METTL15: variants seen among roughly 807,000 people sequenced by gnomAD.
METTL15 encodes methyltransferase 15, mitochondrial 12S rRNA N4-cytidine.
A neutral mutation model predicts 38.3 loss-of-function variants in METTL15; 34 were observed. The ratio of observed to expected loss-of-function variants is 0.89; its 90% CI spans 0.68 to 1.18. The LOEUF (loss-of-function observed/expected upper bound fraction) is 1.18, where lower values mean the gene tolerates loss of function less well. Among genes scored for constraint, METTL15 ranks in the 50% most tolerant of loss-of-function variants. The probability of loss-of-function intolerance (pLI) is 0.00; values close to 1 mark genes in which losing one functional copy is unlikely to be tolerated. For missense variants in METTL15, 438 were observed against 498.4 expected, an observed-to-expected ratio of 0.88 and a Z score of 1.15; for synonymous variants, 162 against 170.9, an observed-to-expected ratio of 0.95 and a Z score of 0.41.
intron 4 of METTL15, among the ~76,000 whole-genome samples, chr11:28,222,869 T>G (rs1853305554): frequency 6.6e-6 from 1 of 152,186 alleles, no homozygotes; most frequent in Non-Finnish European, 1.5e-5. Flanking sequence ...CTATATAGGA[T>G]AAGTTCTTAC....
chr11:28,335,152 T>G (rs910347259), downstream of METTL15, among the ~76,000 whole-genome samples: 4 of 152,306 alleles, frequency 2.6e-5, no homozygotes, highest in South Asian at 6.2e-4. Context: ...GCAATAACAC[T>G]TGTCTGCCTT....
At position 28,211,212 on chromosome 11, in the gene METTL15, T is replaced by G. The variant is rs1162772761; in HGVS notation, c.407+14T>G. 7 of 1,590,628 alleles carry G rather than the reference T, an allele frequency of 4.4e-6. No individual in the cohort carries two copies. Among genetic ancestry groups the G allele is most frequent in the Non-Finnish European group, 6.0e-6 (7 of 1,170,424 alleles). On this transcript the variant is annotated intron_variant, in intron 4 of 6. Coordinates refer to ENST00000407364, the MANE Select transcript of METTL15 (RefSeq NM_001113528.2). The stretch of plus-strand genomic sequence containing the variant: ...AGAGTTGTATCCGTAAGTAATACCC[T>G]TGCATATTTATTTGATTTTGGTTCT...
intron 6 of METTL15, among the ~76,000 whole-genome samples, chr11:28,525,381 C>G (rs1851801618): frequency 6.6e-6 from 1 of 152,098 alleles, no homozygotes; most frequent in Non-Finnish European, 1.5e-5. Flanking sequence ...TCCACGTCCC[C>G]ACTAGATTAG....
chr11:28,422,316 TC>T (rs1349617084), intron 5 of METTL15, among the ~76,000 whole-genome samples: 1 of 152,004 alleles, frequency 6.6e-6, no homozygotes, highest in African/African-American at 2.4e-5. Context: ...ATGACATTCT[TC>T]ACAGAAATAG....
At chr11:28,349,519 GAGAA>G (rs1850024353) in intron 3 of METTL15, among the ~76,000 whole-genome samples, 1 of 152,200 alleles carries the variant, frequency 6.6e-6, no homozygotes, top group Non-Finnish European at 1.5e-5. Context: ...GCTTTAAAAA[GAGAA>G]AGCAAGTATC....
At chr11:28,431,801 A>G (rs966988245) in intron 6 of METTL15, among the ~76,000 whole-genome samples, 8 of 23,232 alleles carry the variant, frequency 3.4e-4, no homozygotes, top group Admixed American at 7.4e-4. Context: ...AAAAAAAAAA[A>G]AAAAAAGAAA....
At chr11:28,388,423 G>A (rs997393644) in intron 5 of METTL15, among the ~76,000 whole-genome samples, 7 of 151,830 alleles carry the variant, frequency 4.6e-5, no homozygotes, top group African/African-American at 1.7e-4. Flanking sequence ...ACAGAACAAG[G>A]CAAAAAGGAA....
rs1345553867 is a variant in METTL15, at chr11:28,478,144, C to T, written c.*425-48334C>T. Among the ~76,000 whole-genome samples, 6 of 152,050 alleles carry T rather than the reference C, an allele frequency of 3.9e-5. No individual in the cohort carries two copies. In the East Asian group the frequency reaches 1.2e-3, roughly 29 times the overall value. The stretch of plus-strand genomic sequence containing the variant: ...ATGTCCATGATCTTAAAACTTTAGT[C>T]AGATAAAGAAAGGACCATCTGGAAG... On this transcript the variant is annotated intron_variant and NMD_transcript_variant, in intron 6 of 7. Transcript: ENST00000532947.
intron 4 of METTL15, among the ~76,000 whole-genome samples, chr11:28,228,566 A>C (rs1265858221): frequency 6.6e-6 from 1 of 151,860 alleles, no homozygotes; most frequent in African/African-American, 2.4e-5. Context: ...TATTGTTTCT[A>C]ATGAAAGAAT....
intron 6 of METTL15, among the ~76,000 whole-genome samples, chr11:28,430,954 G>T (rs1259224368): frequency 3.0e-5 from 3 of 98,628 alleles, no homozygotes; most frequent in African/African-American, 7.0e-5. Flanking sequence ...GGTGAGGGGC[G>T]CCTCTGCCCG....
At chr11:28,473,324 G>T (rs949404005) in intron 6 of METTL15, among the ~76,000 whole-genome samples, 2 of 152,112 alleles carry the variant, frequency 1.3e-5, no homozygotes, top group African/African-American at 2.4e-5. Flanking sequence ...TAATCACCTG[G>T]GAGAATACAG....
At chr11:28,220,982 C>G (rs949470517) in intron 4 of METTL15, among the ~76,000 whole-genome samples, 9 of 152,154 alleles carry the variant, frequency 5.9e-5, no homozygotes, top group Middle Eastern at 3.2e-3. Flanking sequence ...TTCTCTCTGG[C>G]TGCCCTTAAC....
chr11:28,317,856 A>G (rs1857534590), intron 6 of METTL15, among the ~76,000 whole-genome samples: 1 of 152,214 alleles, frequency 6.6e-6, no homozygotes, highest in Non-Finnish European at 1.5e-5. Flanking sequence ...TTCTGATATC[A>G]TACATGAAAC....
In METTL15 at chr11:28,113,432, T is replaced by C; in HGVS notation, c.98T>C (p.Ile33Thr). ...AATTTAGGTGTCTGGCCAAACAGAA[T>C]ACATACTACAGCAGAAAAATATAGA... is the stretch of plus-strand genomic sequence containing the variant. ...IPNLGVWPNR[I>T]HTTAEKYREY... The change falls in exon 3 of 7, where the codon ATA becomes ACA. Residue 33 changes from isoleucine (I) to threonine (T), a missense_variant. Coordinates refer to ENST00000407364, the MANE Select transcript of METTL15 (RefSeq NM_001113528.2). The C allele has an allele frequency of 6.2e-7, 1 of 1,605,018 alleles. No individual in the cohort carries two copies. The highest frequency in any genetic ancestry group is 8.5e-7 in the Non-Finnish European group (1 of 1,176,178).
chr11:28,451,796 A>G (rs1851124757), intron 6 of METTL15, among the ~76,000 whole-genome samples: 1 of 152,154 alleles, frequency 6.6e-6, no homozygotes, highest in Non-Finnish European at 1.5e-5. Flanking sequence ...TTCTGGAAAG[A>G]CTGAACCTCC....
rs1159342345 is a variant in METTL15, at chr11:28,430,390, G to T, written c.*424+6026G>T. 6.4e-4 allele frequency among the ~76,000 whole-genome samples: 42 copies of T among 65,714 alleles called. 1 individual carries two copies. The highest frequency in any genetic ancestry group is 2.3e-3 in the African/African-American group (42 of 18,126). The allele number at this position is 65,714 out of a possible 152,430, so 43.1% of individuals were successfully genotyped here. A position where few individuals can be genotyped will look rare whatever the true frequency, so the allele number is the denominator to read the frequency against. ...GAGGAGGTGGGGGGGTCAGCCCCCC[G>T]CCCGGCCAGCCGCCCCGTCCGGGAG... is the stretch of plus-strand genomic sequence containing the variant. On this transcript the variant is annotated intron_variant and NMD_transcript_variant, in intron 6 of 7. Transcript: ENST00000532947.
At chr11:28,120,595 T>C (rs1289019033) in intron 3 of METTL15, among the ~76,000 whole-genome samples, 3 of 152,162 alleles carry the variant, frequency 2.0e-5, no homozygotes, top group African/African-American at 7.2e-5. Flanking sequence ...GTTCCTGATG[T>C]CATGGAATGT....
At position 28,200,982 on chromosome 11, in the gene METTL15, T is replaced by C. The variant is rs370792289; in HGVS notation, c.271-10080T>C. On this transcript the variant is annotated intron_variant, in intron 3 of 6. Transcript: ENST00000407364. ...GAGAGGGCATCCTTATCTTGTTGTC[T>C]TGTACTGGTTTTCAAAGGGAACACT... Among the ~76,000 whole-genome samples, 53 of 152,288 alleles carry C rather than the reference T, an allele frequency of 3.5e-4. 2 individuals are homozygous for C. The South Asian group carries it at 0.011, about 32-fold the overall frequency.
intron 5 of METTL15, among the ~76,000 whole-genome samples, chr11:28,404,087 G>C (rs1035613911): frequency 6.6e-6 from 1 of 151,772 alleles, no homozygotes; most frequent in Non-Finnish European, 1.5e-5. Flanking sequence ...CATAGAGAAG[G>C]TCTACAGGAA....
Sources: allele counts gnomAD v4.1 joint callset (sites outside exome capture counted in the v4.1 genomes callset), GRCh38; gene constraint gnomAD v4.1.1; transcripts MANE v1.5; gene names NCBI Gene and HGNC (gene_info 2026-07-23, HGNC 2026-07-21).